Variants in CPNE8 observed in about 807,000 individuals in gnomAD.
CPNE8 encodes the protein copine-8.
CPNE8 carries 45 observed loss-of-function variants against 81.5 expected under a neutral mutation model. The ratio of observed to expected loss-of-function variants is 0.55; its 90% CI spans 0.44 to 0.71. The LOEUF (loss-of-function observed/expected upper bound fraction) is 0.71, where lower values mean the gene tolerates loss of function less well. CPNE8 is among the 30% of genes least tolerant of loss of function. The probability of loss-of-function intolerance (pLI) is 0.00; values close to 1 mark genes in which losing one functional copy is unlikely to be tolerated. For synonymous variants in CPNE8, 252 were observed against 226.3 expected (o/e 1.11, Z -1.02); for missense variants, 594 against 672.1 (o/e 0.88, Z 1.28).
chr12:38,755,908 C>T lies in CPNE8; in HGVS notation c.722+4939G>A, dbSNP rs1051479896. The stretch of plus-strand genomic sequence containing the variant: ...ACAAAAAATTAGCCGGGCGTAGTGG[C>T]GGGCGCCTGTAGTCCCAGCTACTCG... On this transcript the variant is annotated intron_variant, in intron 10 of 19. Transcript: ENST00000331366. 4.0e-5 allele frequency among the ~76,000 whole-genome samples: 6 copies of T among 151,034 alleles called. No homozygotes were observed. The East Asian group carries it at 9.7e-4, about 25-fold the overall frequency.
At chr12:38,780,769 A>T (rs1399176510) in intron 6 of CPNE8, among the ~76,000 whole-genome samples, 1 of 152,108 alleles carries the variant, frequency 6.6e-6, no homozygotes. Context: ...TATTCTAAAA[A>T]CAAGCATAAA....
At chr12:38,882,614 GT>G (rs1158344982) in intron 1 of CPNE8, among the ~76,000 whole-genome samples, 12 of 152,046 alleles carry the variant, frequency 7.9e-5, no homozygotes, top group Non-Finnish European at 1.8e-4. Context: ...CCATATCCCA[GT>G]TCATTCACCA....
chr12:38,832,730 C>A (rs184101797), intron 5 of CPNE8, among the ~76,000 whole-genome samples: 2 of 152,152 alleles, frequency 1.3e-5, no homozygotes, highest in East Asian at 3.9e-4. Context: ...AGGGTTTCGC[C>A]ATGTTGGCCA....
At position 38,844,561 on chromosome 12, in the gene CPNE8, T is replaced by C. The variant is rs572976055; in HGVS notation, c.290+3998A>G. The stretch of plus-strand genomic sequence containing the variant: ...AAAGGCAAGGGAATTTTAGGACTTA[T>C]AGCCGATAAGGTAATCTTGAAAATA... On this transcript the variant is annotated intron_variant, in intron 4 of 19. Transcript: ENST00000331366. 3.3e-5 allele frequency among the ~76,000 whole-genome samples: 5 copies of C among 152,288 alleles called. No homozygotes were observed. In the East Asian group the frequency reaches 5.8e-4, roughly 18 times the overall value.
At chr12:38,663,942 A>G (rs1939011406) in intron 19 of CPNE8, among the ~76,000 whole-genome samples, 1 of 152,104 alleles carries the variant, frequency 6.6e-6, no homozygotes, top group Admixed American at 6.6e-5. Context: ...AGAAATAGAG[A>G]GTAGAATAGT....
rs1382355601 is a variant in CPNE8 at position 38,806,747 on chromosome 12, G to C, written c.407+22632C>G. Among the ~76,000 whole-genome samples, 2 of 144,970 alleles carry C rather than the reference G, an allele frequency of 1.4e-5. 1 individual carries two copies. The highest frequency in any genetic ancestry group is 3.1e-5 in the Non-Finnish European group (2 of 65,296). The stretch of plus-strand genomic sequence containing the variant: ...TATTCAACATAGTGTTGGAAGTTCT[G>C]GCCAGGGCAATTAGGCAGGAGAAGG... On this transcript the variant is annotated intron_variant, in intron 6 of 19. Coordinates refer to ENST00000331366, the MANE Select transcript of CPNE8 (RefSeq NM_153634.3).
Position 38,675,759 on chromosome 12 carries a change from T to G in CPNE8, c.1390A>C (p.Met464Leu), listed in dbSNP as rs765595982. ...ESIVNASKLPMSIIIVGVGPA... is the reference protein window; with the variant it reads ...ESIVNASKLPLSIIIVGVGPA... ...CCAACACCTACTATAATTATTGACA[T>G]TGGAAGTTTTGAGGCCTTCAAAGAG... Residue 464 changes from methionine to leucine, a missense_variant, in exon 18 of 20, where the codon ATG (methionine) becomes CTG (leucine). Coordinates refer to ENST00000331366, the MANE Select transcript of CPNE8 (RefSeq NM_153634.3). The G allele has an allele frequency of 6.2e-7, 1 of 1,604,722 alleles. No homozygotes were observed. The highest frequency in any genetic ancestry group is 8.5e-7 in the Non-Finnish European group (1 of 1,171,868).
At chr12:38,711,831 C>A (rs1940266576) in intron 13 of CPNE8, among the ~76,000 whole-genome samples, 1 of 152,158 alleles carries the variant, frequency 6.6e-6, no homozygotes, top group Non-Finnish European at 1.5e-5. Context: ...ATGTTTATAA[C>A]AGTCTTCTTA....
chr12:38,771,634 T>C (rs1391023658), intron 7 of CPNE8, among the ~76,000 whole-genome samples: 2 of 152,212 alleles, frequency 1.3e-5, no homozygotes, highest in Non-Finnish European at 2.9e-5. Context: ...TGTATAAATT[T>C]ATGACCTATA....
At position 38,653,548 on chromosome 12, in the gene CPNE8, A is replaced by T. The variant is rs955315848; in HGVS notation, c.*334T>A. ...TTTCCTATACACATAGCAGTCGAAG[A>T]CAATATTTGAGTTAAAAACACAGTT... is the stretch of plus-strand genomic sequence containing the variant. On this transcript the variant is annotated 3_prime_UTR_variant, in exon 20 of 20. Coordinates refer to ENST00000331366, the MANE Select transcript of CPNE8 (RefSeq NM_153634.3). The T allele has an allele frequency of 2.5e-4, 53 of 208,278 alleles. No homozygotes were observed. The highest frequency in any genetic ancestry group is 2.6e-4 in the Non-Finnish European group (28 of 106,388). 12.9% of individuals were successfully genotyped at this position (208,278 alleles called of 1,614,324 possible). A position where few individuals can be genotyped will look rare whatever the true frequency, so the allele number is the denominator to read the frequency against.
At chr12:38,835,261 C>A (rs1427308613) in intron 5 of CPNE8, among the ~76,000 whole-genome samples, 1 of 152,134 alleles carries the variant, frequency 6.6e-6, no homozygotes, top group Admixed American at 6.5e-5. Flanking sequence ...GATTTTCAAT[C>A]ATTCCCTCCT....
At chr12:38,807,625 G>C (rs1165046014) in intron 6 of CPNE8, among the ~76,000 whole-genome samples, 2 of 151,608 alleles carry the variant, frequency 1.3e-5, no homozygotes, top group South Asian at 4.2e-4. Context: ...AGACTTAAAC[G>C]TTAGACCTAA....
At chr12:38,733,765 T>G (rs944574387) in intron 10 of CPNE8, among the ~76,000 whole-genome samples, 8 of 151,970 alleles carry the variant, frequency 5.3e-5, no homozygotes, top group African/African-American at 1.9e-4. Context: ...CTGTAGCTAG[T>G]AATTTGGCTC....
intron 1 of CPNE8, among the ~76,000 whole-genome samples, chr12:38,905,153 T>G (rs1160072094): frequency 6.6e-6 from 1 of 152,088 alleles, no homozygotes; most frequent in Non-Finnish European, 1.5e-5. Context: ...GCTTGTAAAG[T>G]GGGCGGCGGC....
chr12:38,797,559 C>A (rs975712245), intron 6 of CPNE8, among the ~76,000 whole-genome samples: 3 of 152,098 alleles, frequency 2.0e-5, no homozygotes, highest in African/African-American at 7.2e-5. Flanking sequence ...ACATCACCAT[C>A]ATCAAAGACC....
intron 4 of CPNE8, among the ~76,000 whole-genome samples, chr12:38,841,859 G>A (rs1943472431): frequency 6.6e-6 from 1 of 151,998 alleles, no homozygotes; most frequent in Non-Finnish European, 1.5e-5. Context: ...CTTTCCACAG[G>A]GAGAAGCAGA....
intron 1 of CPNE8, among the ~76,000 whole-genome samples, chr12:38,895,579 C>T (rs1458025847): frequency 3.9e-5 from 6 of 151,982 alleles, no homozygotes; most frequent in Admixed American, 3.3e-4. Flanking sequence ...AATAAAACAT[C>T]ACATGGTTAA....
At chr12:38,864,307 T>A (rs1943885187) in intron 3 of CPNE8, among the ~76,000 whole-genome samples, 2 of 152,128 alleles carry the variant, frequency 1.3e-5, no homozygotes, top group Non-Finnish European at 2.9e-5. Context: ...AGTCCCATCA[T>A]CATCCATTTA....
At chr12:38,805,739 A>G (rs192668332) in intron 6 of CPNE8, among the ~76,000 whole-genome samples, 1,901 of 148,698 alleles carry the variant, frequency 0.013, 55 homozygotes, top group African/African-American at 0.043. Context: ...GCAGAAGGCA[A>G]GAAATAACTA....
Sources: allele counts gnomAD v4.1 joint callset (sites outside exome capture counted in the v4.1 genomes callset), GRCh38; gene constraint gnomAD v4.1.1; transcripts MANE v1.5; gene names NCBI Gene and HGNC (gene_info 2026-07-23, HGNC 2026-07-21).